The following SCARA5 variants were observed in gnomAD, a reference collection of about 807,000 sequenced individuals.
The protein encoded by SCARA5 is scavenger receptor class A member 5, also known as scavenger receptor class A, member 5 (putative).
Under a neutral mutation model 46.3 loss-of-function variants are expected in SCARA5, and 45 were observed. That is an observed-to-expected ratio of 0.97 (90% confidence interval 0.76 to 1.24). The LOEUF is 1.24. Among genes scored for constraint, SCARA5 ranks in the 50% most tolerant of loss-of-function variants. The pLI, the probability that SCARA5 is intolerant of heterozygous loss-of-function variation, is 0.00. For synonymous variants in SCARA5, 333 were observed against 306.5 expected (o/e 1.09, Z -0.90); for missense variants, 680 against 689.0 (o/e 0.99, Z 0.15).
At chr8:27,877,492 C>T (rs1406667844) in intron 8 of SCARA5, among the ~76,000 whole-genome samples, 2 of 152,210 alleles carry the variant, frequency 1.3e-5, no homozygotes, top group African/African-American at 4.8e-5. Flanking sequence ...CACCAACTGG[C>T]AGAGTCAGGC....
intron 2 of SCARA5, among the ~76,000 whole-genome samples, chr8:27,967,561 C>T (rs1364060351): frequency 1.3e-5 from 2 of 152,142 alleles, no homozygotes; most frequent in Non-Finnish European, 2.9e-5. Flanking sequence ...CCCTTTAATG[C>T]TTGTTCCTTA....
At chr8:27,986,553 C>T (rs1226851720) in intron 2 of SCARA5, among the ~76,000 whole-genome samples, 1 of 152,162 alleles carries the variant, frequency 6.6e-6, no homozygotes, top group Non-Finnish European at 1.5e-5. Flanking sequence ...AATCCTAGGG[C>T]TGGGTGAGCA....
At chr8:27,876,290 G>A (rs866834367) in intron 8 of SCARA5, among the ~76,000 whole-genome samples, 5 of 152,272 alleles carry the variant, frequency 3.3e-5, no homozygotes, top group East Asian at 1.9e-4. Context: ...TGGCAGATCC[G>A]GGATTCTGAC....
At position 27,921,833 on chromosome 8, in the gene SCARA5, C is replaced by T; in HGVS notation, c.654G>A (p.Glu218=). ...GLARRVGILG[E]ELADVGGVLR... ...GCACGCCGCCCACGTCGGCCAGCTC[C>T]TCGCCCAGGATGCCCACCCTGCGCG... is the stretch of plus-strand genomic sequence containing the variant. The change falls in exon 4 of 9, where the codon GAG becomes GAA. Residue 218 remains glutamate, a synonymous_variant. Coordinates refer to ENST00000354914, the MANE Select transcript of SCARA5 (RefSeq NM_173833.6). The T allele has an allele frequency of 1.3e-6, 2 of 1,544,268 alleles. No homozygotes were observed. Among genetic ancestry groups the T allele is most frequent in the Non-Finnish European group, 1.7e-6 (2 of 1,151,170 alleles).
At chr8:27,884,398 G>C (rs1254851791) in intron 7 of SCARA5, among the ~76,000 whole-genome samples, 1 of 152,258 alleles carries the variant, frequency 6.6e-6, no homozygotes, top group African/African-American at 2.4e-5. Flanking sequence ...AGCACCAAGA[G>C]GGACCCGGCC....
intron 7 of SCARA5, among the ~76,000 whole-genome samples, chr8:27,888,936 C>T (rs1806939268): frequency 6.6e-6 from 1 of 152,180 alleles, no homozygotes; most frequent in African/African-American, 2.4e-5. Context: ...CTCATTGTTT[C>T]ACCCCACAAC....
intron 8 of SCARA5, 50 bp from the exon 9 acceptor site, chr8:27,872,120 AAGG>A (rs1806649528): frequency 1.9e-6 from 3 of 1,602,046 alleles, no homozygotes; most frequent in African/African-American, 1.3e-5. Context: ...GGAGGGCGAG[AAGG>A]AGAAGAGAGA....
chr8:27,915,444 C>A (rs1290860619), intron 4 of SCARA5, among the ~76,000 whole-genome samples: 3 of 152,142 alleles, frequency 2.0e-5, no homozygotes, highest in Non-Finnish European at 4.4e-5. Flanking sequence ...TCAGCCCAGG[C>A]CATGCTCCTC....
At chr8:27,901,544 C>T (rs112473636) in intron 7 of SCARA5, among the ~76,000 whole-genome samples, 3 of 152,208 alleles carry the variant, frequency 2.0e-5, no homozygotes, top group Middle Eastern at 3.4e-3. Context: ...CCTTGGCTCT[C>T]CCCCACAGAG....
At chr8:27,914,097 G>T (rs907825221) in intron 4 of SCARA5, among the ~76,000 whole-genome samples, 1 of 152,150 alleles carries the variant, frequency 6.6e-6, no homozygotes, top group East Asian at 1.9e-4. Flanking sequence ...TGCTGTTCTC[G>T]TGATAGTGAA....
At chr8:27,918,028 T>C (rs1213250559) in intron 4 of SCARA5, among the ~76,000 whole-genome samples, 1 of 152,192 alleles carries the variant, frequency 6.6e-6, no homozygotes, top group African/African-American at 2.4e-5. Flanking sequence ...TGAGTCTCAG[T>C]TATGTGCACT....
intron 2 of SCARA5, among the ~76,000 whole-genome samples, chr8:27,984,512 CCATT>C (rs1229289264): frequency 6.6e-6 from 1 of 152,154 alleles, no homozygotes; most frequent in Non-Finnish European, 1.5e-5. Flanking sequence ...ATTCATCTAT[CCATT>C]CATTCATCCA....
intron 3 of SCARA5, among the ~76,000 whole-genome samples, chr8:27,934,048 G>A (rs113677670): frequency 0.038 from 5,787 of 152,312 alleles, 251 homozygotes; most frequent in African/African-American, 0.11. Flanking sequence ...TATTGGTTGT[G>A]TAATAAACAG....
intron 3 of SCARA5, among the ~76,000 whole-genome samples, chr8:27,926,236 G>C (rs998783457): frequency 2.6e-5 from 4 of 152,128 alleles, no homozygotes; most frequent in African/African-American, 9.7e-5. Context: ...AGAAAATGTG[G>C]CACATATACA....
chr8:27,969,477 C>A (rs771475002), intron 2 of SCARA5, among the ~76,000 whole-genome samples: 1 of 152,072 alleles, frequency 6.6e-6, no homozygotes, highest in Admixed American at 6.6e-5. Context: ...GTAAAAAGAT[C>A]CGTGGTTGCC....
At chr8:27,886,506 T>A (rs969128424) in intron 7 of SCARA5, among the ~76,000 whole-genome samples, 2 of 152,174 alleles carry the variant, frequency 1.3e-5, no homozygotes, top group Non-Finnish European at 2.9e-5. Context: ...CTGCCCTGAT[T>A]CAGGAACTCA....
chr8:27,961,451 T>C (rs1808292698), intron 3 of SCARA5, among the ~76,000 whole-genome samples: 1 of 152,244 alleles, frequency 6.6e-6, no homozygotes, highest in African/African-American at 2.4e-5. Context: ...AGTGCCATGC[T>C]TGTACAGCCT....
intron 7 of SCARA5, among the ~76,000 whole-genome samples, chr8:27,892,986 G>T (rs1807011330): frequency 1.3e-5 from 2 of 152,166 alleles, no homozygotes; most frequent in African/African-American, 4.8e-5. Context: ...CTAACGTGAG[G>T]TCTCATCATT....
At chr8:27,887,951 G>A (rs1428348322) in intron 7 of SCARA5, among the ~76,000 whole-genome samples, 1 of 152,178 alleles carries the variant, frequency 6.6e-6, no homozygotes. Flanking sequence ...ATGTCCCTGA[G>A]GTGTTTTTCA....
Sources: gnomAD v4.1 joint callset for allele counts (sites outside exome capture counted in the v4.1 genomes callset) on GRCh38, gnomAD v4.1.1 for gene constraint, MANE v1.5 for transcripts, NCBI Gene and HGNC (gene_info 2026-07-23, HGNC 2026-07-21) for gene names.